The following EYS variants were observed in gnomAD, a reference collection of about 807,000 sequenced individuals.
EYS encodes the protein protein eyes shut homolog.
A neutral mutation model predicts 282.1 loss-of-function variants in EYS; 250 were observed. The ratio of observed to expected loss-of-function variants is 0.89; its 90% confidence interval spans 0.80 to 0.98. The LOEUF (loss-of-function observed/expected upper bound fraction) is 0.98, where lower values mean the gene tolerates loss of function less well. Among genes scored for constraint, EYS ranks in the 50% least tolerant of loss-of-function variants. The pLI, the probability that EYS is intolerant of heterozygous loss-of-function variation, is 0.00. For synonymous variants in EYS, 1,355 were observed against 1,282.9 expected (o/e 1.06, Z -1.20); for missense variants, 4,016 against 3,709.0 (o/e 1.08, Z -2.15).
intron 31 of EYS, among the ~76,000 whole-genome samples, chr6:64,089,700 T>G (rs1772288464): frequency 6.6e-6 from 1 of 152,010 alleles, no homozygotes; most frequent in Non-Finnish European, 1.5e-5. Context: ...ACTGATAAAT[T>G]TGTTAAGTGC....
At chr6:64,012,649 T>G (rs1768692745) in intron 33 of EYS, among the ~76,000 whole-genome samples, 1 of 152,208 alleles carries the variant, frequency 6.6e-6, no homozygotes, top group African/African-American at 2.4e-5. Flanking sequence ...AGTGTGATTG[T>G]CATGGCTGGG....
chr6:63,905,622 G>T (rs1297145934), intron 35 of EYS, among the ~76,000 whole-genome samples: 1 of 152,012 alleles, frequency 6.6e-6, no homozygotes, highest in Admixed American at 6.6e-5. Flanking sequence ...AAGCCACCGC[G>T]CCTGGCCAAA....
At chr6:64,339,129 A>T (rs1214921536) in intron 29 of EYS, among the ~76,000 whole-genome samples, 1 of 152,080 alleles carries the variant, frequency 6.6e-6, no homozygotes, top group Non-Finnish European at 1.5e-5. Flanking sequence ...ACAAAGATAA[A>T]TAATTGGGAC....
At chr6:64,901,161 G>A (rs1014372226) in intron 18 of EYS, among the ~76,000 whole-genome samples, 3 of 151,646 alleles carry the variant, frequency 2.0e-5, no homozygotes, top group Admixed American at 2.0e-4. Context: ...ACCACTGCAT[G>A]TTCTCTCTTA....
intron 11 of EYS, among the ~76,000 whole-genome samples, chr6:65,316,184 CTG>C (rs1769290561): frequency 6.6e-6 from 1 of 152,116 alleles, no homozygotes; most frequent in Non-Finnish European, 1.5e-5. Context: ...TTTTCTCACT[CTG>C]TGGCTTGTTT....
rs148064631 is a variant in EYS, at chr6:64,316,752, C to T, written c.6079-9670G>A. 6.2e-3 allele frequency among the ~76,000 whole-genome samples: 950 copies of T among 152,234 alleles called. 5 individuals carry two copies. Among genetic ancestry groups the T allele is most frequent in the Admixed American group, 0.01 (154 of 15,284 alleles). On this transcript the variant is annotated intron_variant, in intron 29 of 42. Transcript: ENST00000503581. ...TCAAACCAAAAAAGATCCCACATAG[C>T]CTAGACAATCCTAAGCAAAAAGAAC...
chr6:65,675,014 A>G (rs1262440326), intron 1 of EYS, among the ~76,000 whole-genome samples: 1 of 152,018 alleles, frequency 6.6e-6, no homozygotes, highest in Non-Finnish European at 1.5e-5. Flanking sequence ...TTTGTATGCA[A>G]TTGAAATTAT....
At chr6:65,630,795 TC>T (rs1388717363) in intron 2 of EYS, among the ~76,000 whole-genome samples, 1 of 152,136 alleles carries the variant, frequency 6.6e-6, no homozygotes, top group Non-Finnish European at 1.5e-5. Flanking sequence ...GTAAAACAAG[TC>T]CTCCAAACAA....
At chr6:64,222,487 C>T (rs938102993) in intron 31 of EYS, among the ~76,000 whole-genome samples, 2 of 151,966 alleles carry the variant, frequency 1.3e-5, no homozygotes, top group African/African-American at 4.8e-5. Context: ...GGTCTGTTTT[C>T]ATATCATCCA....
At chr6:65,155,446 T>C (rs957785695) in intron 12 of EYS, among the ~76,000 whole-genome samples, 1 of 151,614 alleles carries the variant, frequency 6.6e-6, no homozygotes, top group South Asian at 2.1e-4. Flanking sequence ...TTGCTATTAC[T>C]GATCATGCCA....
intron 26 of EYS, among the ~76,000 whole-genome samples, chr6:64,536,158 C>A (rs960315036): frequency 6.6e-6 from 1 of 151,884 alleles, no homozygotes; most frequent in African/African-American, 2.4e-5. Context: ...TATTTTCATT[C>A]ATATCTTTTT....
intron 13 of EYS, among the ~76,000 whole-genome samples, chr6:65,046,066 A>G (rs1773091137): frequency 6.6e-6 from 1 of 151,916 alleles, no homozygotes; most frequent in African/African-American, 2.4e-5. Context: ...TTCAGACTCA[A>G]GAGGTGGGAT....
intron 18 of EYS, among the ~76,000 whole-genome samples, chr6:64,897,016 G>A (rs948506828): frequency 2.0e-5 from 3 of 152,190 alleles, no homozygotes; most frequent in African/African-American, 7.2e-5. Flanking sequence ...GGAAGGGGCG[G>A]CTGTTGGCAC....
chr6:65,248,961 C>A (rs562744837), intron 12 of EYS, among the ~76,000 whole-genome samples: 1 of 151,732 alleles, frequency 6.6e-6, no homozygotes, highest in South Asian at 2.1e-4. Flanking sequence ...CTTTGTGGAG[C>A]TCAGACTGTT....
chr6:65,473,053 T>C lies in EYS; in HGVS notation c.862+17541A>G, dbSNP rs562147690. Among the ~76,000 whole-genome samples the C allele has an allele frequency of 9.9e-5, 15 of 152,056 alleles. No homozygotes were observed. In the South Asian group the frequency reaches 3.1e-3, roughly 32 times the overall value. ...ACTGGTTCTTAGACATTAAAAAATA[T>C]ATAGCAAATAATGAATCCAATGGTG... On this transcript the variant is annotated intron_variant, in intron 5 of 42. Transcript: ENST00000503581.
intron 1 of EYS, among the ~76,000 whole-genome samples, chr6:65,655,020 G>C (rs545932226): frequency 1.0e-3 from 139 of 137,258 alleles, no homozygotes; most frequent in Middle Eastern, 4.1e-3. Context: ...CAAGATTTTA[G>C]AGCAGGAATA....
chr6:65,617,453 A>T (rs1162750951), intron 2 of EYS, among the ~76,000 whole-genome samples: 1 of 152,098 alleles, frequency 6.6e-6, no homozygotes, highest in Admixed American at 6.5e-5. Flanking sequence ...ATTACATAAA[A>T]TTAGCAAGGT....
intron 12 of EYS, among the ~76,000 whole-genome samples, chr6:65,084,381 T>C (rs2150173339): frequency 6.6e-6 from 1 of 152,284 alleles, no homozygotes; most frequent in East Asian, 1.9e-4. Context: ...TTAGAATCCA[T>C]GTAATCTTTA....
At chr6:65,056,039 C>T (rs571456758) in intron 13 of EYS, among the ~76,000 whole-genome samples, 13 of 152,106 alleles carry the variant, frequency 8.5e-5, no homozygotes, top group African/African-American at 3.1e-4. Context: ...GATTATTGTA[C>T]AAAAAGATGC....
Sources: gnomAD v4.1 joint callset for allele counts (sites outside exome capture counted in the v4.1 genomes callset) on GRCh38, gnomAD v4.1.1 for gene constraint, MANE v1.5 for transcripts, NCBI Gene and HGNC (gene_info 2026-07-23, HGNC 2026-07-21) for gene names.